The following RBFOX1 variants were observed in gnomAD, a reference collection of about 807,000 sequenced individuals.
RBFOX1 encodes the protein RNA binding protein fox-1 homolog 1.
RBFOX1 carries 8 observed loss-of-function variants against 57.7 expected under a neutral mutation model. That is an observed-to-expected ratio of 0.14 (90% CI 0.08 to 0.25). The LOEUF (loss-of-function observed/expected upper bound fraction) is 0.25. RBFOX1 is among the 10% of genes least tolerant of loss of function. RBFOX1 has a pLI of 1.00. For missense variants in RBFOX1, 611 were observed against 548.5 expected, an observed-to-expected ratio of 1.11 and a Z score of -1.14; for synonymous variants, 326 against 222.4, an observed-to-expected ratio of 1.47 and a Z score of -4.15.
intron 10 of RBFOX1, among the ~76,000 whole-genome samples, chr16:7,628,255 T>G (rs1456738130): frequency 6.6e-6 from 1 of 152,148 alleles, no homozygotes; most frequent in Non-Finnish European, 1.5e-5. Context: ...GAGAGAAGGT[T>G]GAGGAGCATT....
At chr16:6,449,470 T>C (rs2094548198) in intron 2 of RBFOX1, among the ~76,000 whole-genome samples, 2 of 152,148 alleles carry the variant, frequency 1.3e-5, no homozygotes, top group African/African-American at 4.8e-5. Flanking sequence ...GCCTAAACGT[T>C]TGTTTTCTGT....
chr16:6,414,809 A>G (rs802323), intron 2 of RBFOX1, among the ~76,000 whole-genome samples: 8,545 of 152,154 alleles, frequency 0.056, 821 homozygotes, highest in African/African-American at 0.19. Flanking sequence ...TCTTGAGACA[A>G]TTTTCATTGG....
chr16:6,721,250 C>G (rs1257495870), intron 3 of RBFOX1, among the ~76,000 whole-genome samples: 1 of 152,134 alleles, frequency 6.6e-6, no homozygotes, highest in Non-Finnish European at 1.5e-5. Context: ...TGAGACCAGT[C>G]TGGCCAACAT....
At position 7,102,170 on chromosome 16, in the gene RBFOX1, T is replaced by G. The variant is rs114385734; in HGVS notation, c.27+50072T>G. Among the ~76,000 whole-genome samples the G allele has an allele frequency of 2.8e-3, 431 of 152,298 alleles. 2 individuals carry two copies. Among genetic ancestry groups the G allele is most frequent in the African/African-American group, 9.7e-3 (403 of 41,566 alleles). On this transcript the variant is annotated intron_variant, in intron 4 of 15. Coordinates refer to ENST00000550418, the MANE Select transcript of RBFOX1 (RefSeq NM_018723.4). ...GAAACACTCCTCTTACTCACACTCA[T>G]CGGATTCCAGTTAAGCCACTGTTTG...
At position 6,204,788 on chromosome 16, in the gene RBFOX1, G is replaced by T. The variant is rs139107022; in HGVS notation, c.-126-112207G>T. Among the ~76,000 whole-genome samples the T allele has an allele frequency of 2.2e-3, 328 of 152,210 alleles. 2 individuals carry two copies. Among genetic ancestry groups the T allele is most frequent in the African/African-American group, 7.2e-3 (299 of 41,536 alleles). On this transcript the variant is annotated intron_variant, in intron 1 of 15. Coordinates refer to ENST00000550418, the MANE Select transcript of RBFOX1 (RefSeq NM_018723.4). ...ACCTTATTGACAATGGATGCCTTTTGTCAGCACGTTGTGTGTGTGTGCCTG... is the reference window on the plus strand; with the variant it reads ...ACCTTATTGACAATGGATGCCTTTTTTCAGCACGTTGTGTGTGTGTGCCTG...
intron 4 of RBFOX1, among the ~76,000 whole-genome samples, chr16:5,936,034 A>ATT (rs78887664): frequency 0.036 from 5,328 of 149,642 alleles, 125 homozygotes; most frequent in Non-Finnish European, 0.053. Flanking sequence ...ATCTGAACCC[A>ATT]TTTTTTTTTT....
At chr16:6,151,148 C>A (rs1236439225) in intron 1 of RBFOX1, among the ~76,000 whole-genome samples, 1 of 152,180 alleles carries the variant, frequency 6.6e-6, no homozygotes, top group Non-Finnish European at 1.5e-5. Context: ...AATCTCTTTT[C>A]CTCCCTTACT....
intron 1 of RBFOX1, among the ~76,000 whole-genome samples, chr16:5,380,465 A>G (rs2066103623): frequency 6.6e-6 from 1 of 152,164 alleles, no homozygotes; most frequent in South Asian, 2.1e-4. Context: ...TTTATACTAA[A>G]TGTGCACTTG....
At chr16:7,407,923 C>T (rs140817424) in intron 4 of RBFOX1, among the ~76,000 whole-genome samples, 7 of 152,156 alleles carry the variant, frequency 4.6e-5, no homozygotes, top group African/African-American at 1.2e-4. Flanking sequence ...GTTTACCAAT[C>T]GTGGGTGGCT....
intron 4 of RBFOX1, among the ~76,000 whole-genome samples, chr16:7,290,427 G>C (rs2095745565): frequency 6.6e-6 from 1 of 152,124 alleles, no homozygotes; most frequent in Non-Finnish European, 1.5e-5. Context: ...TCATTAATCT[G>C]GAATGTAAGC....
intron 2 of RBFOX1, among the ~76,000 whole-genome samples, chr16:5,492,031 C>T (rs1198682097): frequency 6.6e-6 from 1 of 152,178 alleles, no homozygotes; most frequent in Non-Finnish European, 1.5e-5. Flanking sequence ...CCCAGACCAG[C>T]AGTATCAGCG....
intron 3 of RBFOX1, among the ~76,000 whole-genome samples, chr16:6,978,707 G>A (rs1166743882): frequency 2.0e-5 from 3 of 152,176 alleles, no homozygotes; most frequent in Non-Finnish European, 2.9e-5. Context: ...ATGTAATCAG[G>A]ATGTGATAAA....
chr16:6,549,746 G>C (rs2096957799), intron 2 of RBFOX1, among the ~76,000 whole-genome samples: 1 of 152,070 alleles, frequency 6.6e-6, no homozygotes, highest in Admixed American at 6.5e-5. Flanking sequence ...GTAAGAATGA[G>C]GGGAATACAG....
chr16:5,448,399 A>G (rs955172452), intron 1 of RBFOX1, among the ~76,000 whole-genome samples: 1 of 152,222 alleles, frequency 6.6e-6, no homozygotes, highest in African/African-American at 2.4e-5. Flanking sequence ...ATGCCACAAA[A>G]TAGGGCTGTT....
chr16:5,277,406 T>C (rs891437997), intron 1 of RBFOX1, among the ~76,000 whole-genome samples: 3 of 152,090 alleles, frequency 2.0e-5, no homozygotes, highest in African/African-American at 4.8e-5. Context: ...GAAGAACTTA[T>C]CCATGTAACA....
intron 3 of RBFOX1, among the ~76,000 whole-genome samples, chr16:6,948,712 C>A (rs553079199): frequency 6.6e-6 from 1 of 152,222 alleles, no homozygotes; most frequent in East Asian, 1.9e-4. Context: ...ACTCCCTCCT[C>A]CATCATTTGA....
intron 1 of RBFOX1, among the ~76,000 whole-genome samples, chr16:5,432,304 G>T (rs371928541): frequency 1.4e-5 from 2 of 146,212 alleles, no homozygotes; most frequent in South Asian, 2.2e-4. Context: ...GGCAGGCCTC[G>T]CCGCAAGAAG....
intron 3 of RBFOX1, among the ~76,000 whole-genome samples, chr16:6,965,545 C>T (rs1345942031): frequency 6.6e-6 from 1 of 152,126 alleles, no homozygotes; most frequent in Non-Finnish European, 1.5e-5. Flanking sequence ...CCATGTTGGC[C>T]AGGCTGGTGT....
chr16:7,333,947 A>G (rs1340237402), intron 4 of RBFOX1, among the ~76,000 whole-genome samples: 2 of 152,170 alleles, frequency 1.3e-5, no homozygotes, highest in African/African-American at 4.8e-5. Context: ...TCCCTTTGCA[A>G]TAAATTCTGT....
Sources: gnomAD v4.1 joint callset for allele counts (sites outside exome capture counted in the v4.1 genomes callset) on GRCh38, gnomAD v4.1.1 for gene constraint, MANE v1.5 for transcripts, NCBI Gene and HGNC (gene_info 2026-07-23, HGNC 2026-07-21) for gene names.